Variants in OS9 observed in about 807,000 individuals in gnomAD.
OS9 encodes OS9 endoplasmic reticulum lectin.
A neutral mutation model predicts 84.7 loss-of-function variants in OS9; 58 were observed. That is an observed-to-expected ratio of 0.68 (90% CI 0.55 to 0.85). The LOEUF (loss-of-function observed/expected upper bound fraction) is 0.85, where lower values mean the gene tolerates loss of function less well. OS9 is among the 40% of genes least tolerant of loss of function. The pLI is 0.00. For synonymous variants in OS9, 278 were observed against 320.8 expected (o/e 0.87, Z 1.43); for missense variants, 760 against 850.9 (o/e 0.89, Z 1.33).
At chr12:57,704,226 T>C (rs1954103210) in intron 5 of OS9, among the ~76,000 whole-genome samples, 1 of 152,168 alleles carries the variant, frequency 6.6e-6, no homozygotes, top group South Asian at 2.1e-4. Context: ...TTGAGGAATT[T>C]TGCATCTATA....
intron 9 of OS9, 110 bp downstream of exon 9, chr12:57,716,854 G>A (rs1365286236): frequency 1.8e-5 from 17 of 927,244 alleles, no homozygotes; most frequent in Admixed American, 3.6e-5. Context: ...CAGGCCGGCA[G>A]AAAATTCATT....
intron 5 of OS9, among the ~76,000 whole-genome samples, chr12:57,700,918 C>A (rs556962309): frequency 6.6e-6 from 1 of 151,744 alleles, no homozygotes; most frequent in East Asian, 1.9e-4. Context: ...ATAAAACATA[C>A]AATTATACAA....
At position 57,694,768 on chromosome 12, in the gene OS9, G is replaced by A. The variant is rs1256205595; in HGVS notation, c.181G>A (p.Val61Met). 1 of 1,613,736 alleles carries A rather than the reference G, an allele frequency of 6.2e-7. No individual in the cohort carries two copies. Among genetic ancestry groups the A allele is most frequent in the South Asian group, 1.1e-5 (1 of 91,066 alleles). ...TTCCCAGAGCCAATCTTCGGACGTGGTGATTGTCTCCTCTAAGTACAAACA... is the reference window on the plus strand; with the variant it reads ...TTCCCAGAGCCAATCTTCGGACGTGATGATTGTCTCCTCTAAGTACAAACA... ...MGGQSQSSDV[V>M]IVSSKYKQRY... The change falls in exon 2 of 15, where the codon GTG (valine) becomes ATG (methionine). Residue 61 changes from valine to methionine, a missense_variant. Physicochemically the swap from Val to Met is conservative, Grantham distance 21. Coordinates refer to ENST00000315970, the MANE Select transcript of OS9 (RefSeq NM_006812.4).
intron 5 of OS9, among the ~76,000 whole-genome samples, chr12:57,703,910 A>G (rs1244023912): frequency 6.6e-6 from 1 of 152,182 alleles, no homozygotes; most frequent in Non-Finnish European, 1.5e-5. Context: ...GAAGCTTTCA[A>G]TGTTTCACCA....
intron 5 of OS9, among the ~76,000 whole-genome samples, chr12:57,714,177 A>T (rs957161155): frequency 6.6e-6 from 1 of 151,926 alleles, no homozygotes; most frequent in African/African-American, 2.4e-5. Context: ...CCTTAGGAAA[A>T]TTTCCAAAGA....
In OS9 at chr12:57,702,134, AG is replaced by A. The variant is rs371260267; in HGVS notation, c.579+5762del. On this transcript the variant is annotated intron_variant, in intron 5 of 14. Coordinates refer to ENST00000315970, the MANE Select transcript of OS9 (RefSeq NM_006812.4). ...TGATTGAAAAAATATATAACCTAAAAGTTATCATTCTAACAGTCTTTAAGTG... is the reference window on the plus strand; with the variant it reads ...TGATTGAAAAAATATATAACCTAAAATTATCATTCTAACAGTCTTTAAGTG... Among the ~76,000 whole-genome samples, 493 of 152,316 alleles carry A rather than the reference AG, an allele frequency of 3.2e-3. 13 individuals carry two copies. The South Asian group carries it at 0.062, about 19-fold the overall frequency.
intron 5 of OS9, among the ~76,000 whole-genome samples, chr12:57,711,222 ATT>A (rs1421079189): frequency 6.7e-6 from 1 of 150,234 alleles, no homozygotes; most frequent in East Asian, 1.9e-4. Context: ...GGAGATTCTT[ATT>A]TCCTTTCCCC....
In OS9 at chr12:57,694,935, G is replaced by A. The variant is rs766820865; in HGVS notation, c.339+9G>A. On this transcript the variant is annotated intron_variant, in intron 2 of 14. Transcript: ENST00000315970. ...CTCCCTGCTTGCTGAAGGTGAAAGG[G>A]ACTGGGTTAGATAGAATGAGGGCTT... 8.1e-6 allele frequency: 13 copies of A among 1,613,394 alleles called. No homozygotes were observed.
At chr12:57,710,671 C>G (rs888987126) in intron 5 of OS9, among the ~76,000 whole-genome samples, 1 of 152,018 alleles carries the variant, frequency 6.6e-6, no homozygotes, top group Non-Finnish European at 1.5e-5. Flanking sequence ...TTTTAAATTC[C>G]TTATCTAATT....
chr12:57,696,382 TGA>T lies in OS9; in HGVS notation c.579+15_579+16del. ...GGGAGGCCGAGGTTCGGGTGAGTCT[TGA>T]GAGAGGGAAGTTGACACTCCCACAG... On this transcript the variant is annotated intron_variant, in intron 5 of 14. Transcript: ENST00000315970. 1.3e-6 allele frequency: 2 copies of T among 1,549,848 alleles called. No individual in the cohort carries two copies. The highest frequency in any genetic ancestry group is 1.7e-6 in the Non-Finnish European group (2 of 1,144,248).
chr12:57,714,563 T>C (rs1954427459), intron 5 of OS9, among the ~76,000 whole-genome samples: 1 of 152,086 alleles, frequency 6.6e-6, no homozygotes, highest in African/African-American at 2.4e-5. Flanking sequence ...GTGTGCGAAA[T>C]CCCTCATGCT....
chr12:57,716,279 T>TGGGGGG (rs141328077), intron 7 of OS9, 86 bp downstream of exon 7: 58 of 511,482 alleles, frequency 1.1e-4, no homozygotes, highest in Non-Finnish European at 1.3e-4. Flanking sequence ...ACTGGTGGGG[T>TGGGGGG]GGGGGGGGGT....
rs375670283 is a variant in OS9 at position 57,715,861 on chromosome 12, C to T, written c.681C>T (p.Leu227=). The change falls in exon 6 of 15, where the codon CTC becomes CTT. Residue 227 remains leucine (L), a synonymous_variant. Coordinates refer to ENST00000315970, the MANE Select transcript of OS9 (RefSeq NM_006812.4). ...TGCTGACCATTCGCACTCCTCGGCT[C>T]TGCCCCCACCCTCTCCTCCGGCCCC... The part of the protein sequence containing the change: ...SYVLTIRTPR[L]CPHPLLRPPP... The T allele has an allele frequency of 8.9e-5, 143 of 1,613,916 alleles. 1 individual carries two copies. The South Asian group carries it at 1.4e-3, about 16-fold the overall frequency.
intron 12 of OS9, chr12:57,719,462 A>C: frequency 4.9e-6 from 2 of 410,284 alleles, no homozygotes; most frequent in East Asian, 8.5e-5. Flanking sequence ...CTGGCACACA[A>C]TGGATGATCA....
chr12:57,716,817 C>T, intron 9 of OS9, 73 bp downstream of exon 9: 1 of 1,401,266 alleles, frequency 7.1e-7, no homozygotes, highest in Admixed American at 1.7e-5. Context: ...GAGGGGAGAG[C>T]TAAGCCTGGG....
intron 1 of OS9, 135 bp downstream of exon 1, chr12:57,694,458 C>T (rs1196688540): frequency 5.1e-6 from 5 of 980,152 alleles, no homozygotes; most frequent in East Asian, 2.6e-5. Flanking sequence ...TTTACGGTGA[C>T]CCCTGGGGGT....
chr12:57,717,930 T>A lies in OS9; in HGVS notation c.1106T>A (p.Ile369Lys). 1.2e-6 allele frequency: 2 copies of A among 1,612,368 alleles called. No individual in the cohort carries two copies. Among genetic ancestry groups the A allele is most frequent in the South Asian group, 2.2e-5 (2 of 90,704 alleles). Residue 369 changes from isoleucine to lysine, a missense_variant, in exon 10 of 15, where the codon ATA (isoleucine) becomes AAA (lysine). By Grantham distance (102) the Ile-to-Lys change is moderately radical. Transcript: ENST00000315970. ...IRSPADLIRF[I>K]EELKGGTKKG... ...AGCCCTGCGGATTTGATTCGATTCATAGAGGAGCTGAAAGGTGGAACAAAA... is the reference window on the plus strand; with the variant it reads ...AGCCCTGCGGATTTGATTCGATTCAAAGAGGAGCTGAAAGGTGGAACAAAA...
chr12:57,697,308 T>C (rs1334153213), intron 5 of OS9, among the ~76,000 whole-genome samples: 1 of 152,238 alleles, frequency 6.6e-6, no homozygotes, highest in East Asian at 1.9e-4. Flanking sequence ...GCATCACTTC[T>C]CTGTTCAGTC....
intron 7 of OS9, 23 bp from the exon 8 acceptor site, chr12:57,716,389 T>C: frequency 1.3e-6 from 2 of 1,530,378 alleles, no homozygotes; most frequent in South Asian, 2.4e-5. Flanking sequence ...CAGATCAGTC[T>C]CTCCCTGTTC....
Sources: allele counts gnomAD v4.1 joint callset (sites outside exome capture counted in the v4.1 genomes callset), GRCh38; gene constraint gnomAD v4.1.1; transcripts MANE v1.5; gene names NCBI Gene and HGNC (gene_info 2026-07-23, HGNC 2026-07-21).